The following COA5 variants were observed in gnomAD, a reference collection of about 807,000 sequenced individuals.
The protein encoded by COA5 is protein C2orf64.
In COA5, 11 loss-of-function variants were observed where a neutral mutation model predicts 11.8. The observed-to-expected ratio is 0.93, with a 90% CI of 0.59 to 1.54. The LOEUF (loss-of-function observed/expected upper bound fraction) is 1.54. COA5 is among the 40% of genes most tolerant of loss of function. The pLI is 0.00. For synonymous variants in COA5, 38 were observed against 37.5 expected (o/e 1.01, Z -0.05); for missense variants, 87 against 89.2 (o/e 0.97, Z 0.10).
intron 1 of COA5, among the ~76,000 whole-genome samples, chr2:98,606,986 A>G (rs1452029675): frequency 6.6e-6 from 1 of 152,028 alleles, no homozygotes. Context: ...CTACTACTCA[A>G]CTTTTAAGAC....
chr2:98,600,504 C>T lies in COA5; in HGVS notation c.*248G>A, dbSNP rs1440986775. On this transcript the variant is annotated 3_prime_UTR_variant, in exon 3 of 3. Coordinates refer to ENST00000328709, the MANE Select transcript of COA5 (RefSeq NM_001008215.3). ...GTGCTTTAGAACAATTCTCAAAACA[C>T]ATTTATTATGCTCCCAACCCATACC... 9.5e-6 allele frequency: 5 copies of T among 527,996 alleles called. No individual in the cohort carries two copies. Among genetic ancestry groups the T allele is most frequent in the African/African-American group, 7.6e-5 (4 of 52,312 alleles). 32.7% of individuals were successfully genotyped at this position (527,996 alleles called of 1,614,324 possible). A position where few individuals can be genotyped will look rare whatever the true frequency, so the allele number is the denominator to read the frequency against.
At chr2:98,605,294 G>A (rs545088020) in intron 1 of COA5, among the ~76,000 whole-genome samples, 29 of 152,338 alleles carry the variant, frequency 1.9e-4, no homozygotes, top group African/African-American at 6.5e-4. Flanking sequence ...GTGGGAAACA[G>A]GTGTAGAACT....
At chr2:98,601,275 T>G (rs572374460) in intron 2 of COA5, among the ~76,000 whole-genome samples, 2 of 152,152 alleles carry the variant, frequency 1.3e-5, no homozygotes, top group African/African-American at 4.8e-5. Flanking sequence ...GCATTAAAAA[T>G]AGAAGTTCCG....
Position 98,600,780 on chromosome 2 carries a change from G to A in COA5, c.197C>T (p.Ala66Val), listed in dbSNP as rs755946087. Residue 66 changes from alanine (A) to valine (V), a missense_variant, in exon 3 of 3, where the codon GCA becomes GTA. Coordinates refer to ENST00000328709, the MANE Select transcript of COA5 (RefSeq NM_001008215.3). ...ATATCCTTTTCTTCCTCTGAATCTT[G>A]CCCTGTTATCCAACTGAAAATAAAT... ...ECKRSVLDNRARFRGRKGY is the reference protein window; with the variant it reads ...ECKRSVLDNRVRFRGRKGY 1.6e-5 allele frequency: 25 copies of A among 1,603,542 alleles called. No individual in the cohort carries two copies. The Admixed American group carries it at 4.0e-4, about 26-fold the overall frequency.
Position 98,600,630 on chromosome 2 carries a change from G to A in COA5, c.*122C>T, listed in dbSNP as rs970811536. On this transcript the variant is annotated 3_prime_UTR_variant, in exon 3 of 3. Transcript: ENST00000328709. ...TCATCCACTTTCTTCAGTGTTCCAC[G>A]GAGGGGAAATCTGGTCCAACCAAAC... 1.1e-5 allele frequency: 9 copies of A among 793,788 alleles called. No individual in the cohort carries two copies. The highest frequency in any genetic ancestry group is 6.1e-5 in the Admixed American group (3 of 49,580). 49.2% of individuals were successfully genotyped at this position (793,788 alleles called of 1,614,324 possible).
chr2:98,606,025 C>G (rs1700701699), intron 1 of COA5, among the ~76,000 whole-genome samples: 1 of 152,180 alleles, frequency 6.6e-6, no homozygotes. Flanking sequence ...TCTCCCAAAG[C>G]AGCACCTAGA....
At chr2:98,603,934 T>C (rs1033099029) in intron 2 of COA5, among the ~76,000 whole-genome samples, 174 bp downstream of exon 2, 1 of 152,242 alleles carries the variant, frequency 6.6e-6, no homozygotes, top group Non-Finnish European at 1.5e-5. Context: ...CAATGAGCTG[T>C]GGGTTTTTAT....
chr2:98,601,937 T>C (rs928194832), intron 2 of COA5, among the ~76,000 whole-genome samples: 1 of 152,146 alleles, frequency 6.6e-6, no homozygotes, highest in African/African-American at 2.4e-5. Flanking sequence ...CGTGGAAAGA[T>C]TGTCTTCTTC....
intron 1 of COA5, 88 bp from the exon 2 acceptor site, chr2:98,604,279 T>A: frequency 9.8e-7 from 1 of 1,015,372 alleles, no homozygotes; most frequent in East Asian, 2.4e-5. Context: ...TAGTCCTTTT[T>A]AAAAGTGTTA....
chr2:98,600,781 C>G lies in COA5; in HGVS notation c.196G>C (p.Ala66Pro). Residue 66 changes from alanine to proline, a missense_variant, in exon 3 of 3, where the codon GCA (alanine) becomes CCA (proline). Ala to Pro is a conservative substitution (Grantham distance 27). Coordinates refer to ENST00000328709, the MANE Select transcript of COA5 (RefSeq NM_001008215.3). ...ECKRSVLDNR[A>P]RFRGRKGY is the part of the protein sequence containing the mutation. ...TATCCTTTTCTTCCTCTGAATCTTG[C>G]CCTGTTATCCAACTGAAAATAAATA... is the stretch of plus-strand genomic sequence containing the variant. 1 of 1,602,418 alleles carries G rather than the reference C, an allele frequency of 6.2e-7. No individual in the cohort carries two copies. Among genetic ancestry groups the G allele is most frequent in the Non-Finnish European group, 8.5e-7 (1 of 1,170,308 alleles).
intron 2 of COA5, among the ~76,000 whole-genome samples, chr2:98,601,254 T>TA (rs1200972174): frequency 2.6e-5 from 4 of 151,522 alleles, no homozygotes; most frequent in Admixed American, 2.0e-4. Context: ...AATAAATAAA[T>TA]AAGAAAGATG....
At chr2:98,605,161 C>T (rs1009149213) in intron 1 of COA5, among the ~76,000 whole-genome samples, 1 of 152,172 alleles carries the variant, frequency 6.6e-6, no homozygotes, top group African/African-American at 2.4e-5. Flanking sequence ...TCCACTCCAC[C>T]CCAAATAACA....
rs1291850819 is a variant in COA5 at position 98,600,733 on chromosome 2, T to C, written c.*19A>G. The C allele has an allele frequency of 6.2e-6, 10 of 1,607,176 alleles. No individual in the cohort carries two copies. The East Asian group carries it at 2.2e-4, about 36-fold the overall frequency. On this transcript the variant is annotated 3_prime_UTR_variant, in exon 3 of 3. Coordinates refer to ENST00000328709, the MANE Select transcript of COA5 (RefSeq NM_001008215.3). ...GGGAAAATATTTGTTGTTTTCCATG[T>C]TGGCTTCAACATAATGCATCAATAT...
At chr2:98,602,821 T>A (rs1314948452) in intron 2 of COA5, among the ~76,000 whole-genome samples, 1 of 152,212 alleles carries the variant, frequency 6.6e-6, no homozygotes, top group East Asian at 1.9e-4. Context: ...AAAATCTGAC[T>A]TCGTTCTTTG....
In COA5 at chr2:98,600,452, T is replaced by C. The variant is rs1408224417; in HGVS notation, c.*300A>G. 2.3e-6 allele frequency: 1 copy of C among 426,462 alleles called. No individual in the cohort carries two copies. Among genetic ancestry groups the C allele is most frequent in the African/African-American group, 2.0e-5 (1 of 50,032 alleles). The allele number at this position is 426,462 out of a possible 1,614,324, so 26.4% of individuals were successfully genotyped here. On this transcript the variant is annotated 3_prime_UTR_variant, in exon 3 of 3. Coordinates refer to ENST00000328709, the MANE Select transcript of COA5 (RefSeq NM_001008215.3). ...GGGTAATTCAATTGAAGAGTCAAGT[T>C]TGCAAATAACAGTCTTTCCATTTTC...
intron 2 of COA5, among the ~76,000 whole-genome samples, chr2:98,601,131 G>C (rs1247821372): frequency 1.3e-5 from 2 of 152,084 alleles, no homozygotes; most frequent in African/African-American, 4.8e-5. Context: ...TGTAATCCCA[G>C]CTACTCAGGA....
chr2:98,603,165 T>A (rs1700666402), intron 2 of COA5, among the ~76,000 whole-genome samples: 2 of 152,156 alleles, frequency 1.3e-5, no homozygotes, highest in South Asian at 2.1e-4. Context: ...GGATTTGCAG[T>A]GTAGTTCCTA....
rs779835050 is a variant in COA5, at chr2:98,608,373, G to A, written c.33C>T (p.Gly11=). ...CCTCCTTCAGGCCCGCGCACGCGCC[G>A]CCCTGCGGCTTGTCCTCATAATACT... is the stretch of plus-strand genomic sequence containing the variant. MPKYYEDKPQ[G]GACAGLKEDL... Residue 11 remains glycine, a synonymous_variant, in exon 1 of 3, where the codon GGC becomes GGT. Transcript: ENST00000328709. 3.7e-6 allele frequency: 6 copies of A among 1,608,234 alleles called. No individual in the cohort carries two copies. In the South Asian group the frequency reaches 6.6e-5, roughly 18 times the overall value.
In COA5 at chr2:98,608,476, G is replaced by A. The variant is rs192282513; in HGVS notation, c.-71C>T. On this transcript the variant is annotated 5_prime_UTR_variant, in exon 1 of 3. Transcript: ENST00000328709. ...ACACTTGCAACCGGGTCGGGAGCGA[G>A]CGAGGCCCCAGTCTCAGGGGACCGG... 1,801 of 1,226,632 alleles carry A rather than the reference G, an allele frequency of 1.5e-3. 23 individuals are homozygous for A. The African/African-American group carries it at 0.022, about 15-fold the overall frequency. 76.0% of individuals were successfully genotyped at this position (1,226,632 alleles called of 1,614,324 possible).
Sources: allele counts gnomAD v4.1 joint callset (sites outside exome capture counted in the v4.1 genomes callset), GRCh38; gene constraint gnomAD v4.1.1; transcripts MANE v1.5; gene names NCBI Gene and HGNC (gene_info 2026-07-23, HGNC 2026-07-21).